Variants in EYS observed in about 807,000 individuals in gnomAD.
The protein encoded by EYS is EGF-like photoreceptor maintenance factor.
In EYS, 250 loss-of-function variants were observed where a neutral mutation model predicts 282.1. That is an observed-to-expected ratio of 0.89 (90% confidence interval 0.80 to 0.98). The LOEUF (loss-of-function observed/expected upper bound fraction) is 0.98. Among genes scored for constraint, EYS ranks in the 50% least tolerant of loss-of-function variants. The pLI, the probability that EYS is intolerant of heterozygous loss-of-function variation, is 0.00. For missense variants in EYS, 4,016 were observed against 3,709.0 expected (o/e 1.08, Z -2.15); for synonymous variants, 1,355 against 1,282.9 (o/e 1.06, Z -1.20).
chr6:63,996,534 T>TA (rs1363193180), intron 34 of EYS, among the ~76,000 whole-genome samples: 1 of 151,554 alleles, frequency 6.6e-6, no homozygotes, highest in Non-Finnish European at 1.5e-5. Context: ...GAACTTAAAG[T>TA]AAAAAAACAA....
Position 63,978,167 on chromosome 6 carries a change from G to A in EYS, c.7055+6216C>T, listed in dbSNP as rs186060619. ...AGACTGATTTTAGTGAATGAATTAT[G>A]TAGAAAATACCTTAAATACTCAATT... On this transcript the variant is annotated intron_variant, in intron 35 of 42. Coordinates refer to ENST00000503581, the MANE Select transcript of EYS (RefSeq NM_001142800.2). 2.9e-3 allele frequency among the ~76,000 whole-genome samples: 448 copies of A among 152,066 alleles called. 2 individuals are homozygous for A. Among genetic ancestry groups the A allele is most frequent in the African/African-American group, 0.01 (432 of 41,518 alleles).
intron 29 of EYS, among the ~76,000 whole-genome samples, chr6:64,353,308 T>C (rs915388301): frequency 2.0e-5 from 3 of 151,730 alleles, no homozygotes; most frequent in East Asian, 2.0e-4. Flanking sequence ...TTGAACATTA[T>C]ACCTCATTTG....
At chr6:64,816,899 A>C (rs933943557) in intron 21 of EYS, among the ~76,000 whole-genome samples, 3 of 151,754 alleles carry the variant, frequency 2.0e-5, no homozygotes, top group African/African-American at 7.3e-5. Context: ...AATTAAATAA[A>C]TATGGTGTTT....
In EYS at chr6:64,436,163, A is replaced by G; in HGVS notation, c.5927+11T>C. On this transcript the variant is annotated intron_variant, in intron 28 of 42. Transcript: ENST00000503581. ...TAATGAGATTAACTGGAAAAGAAAT[A>G]ATTATCTTACCTGATAAGCAGTGTA... 1 of 1,437,138 alleles carries G rather than the reference A, an allele frequency of 7.0e-7. No homozygotes were observed. 89.0% of individuals were successfully genotyped at this position (1,437,138 alleles called of 1,614,324 possible).
At chr6:63,862,812 A>G (rs933169706) in intron 36 of EYS, among the ~76,000 whole-genome samples, 1 of 144,020 alleles carries the variant, frequency 6.9e-6, no homozygotes. Flanking sequence ...TGACTTGGCT[A>G]ACTTCTTGTA....
intron 12 of EYS, among the ~76,000 whole-genome samples, chr6:65,141,651 C>CTGTCTGTCTATG (rs1196599284): frequency 0.066 from 235 of 3,554 alleles, no homozygotes; most frequent in African/African-American, 0.091. Flanking sequence ...GTCTGTCTGT[C>CTGTCTGTCTATG]TATCTATCTA....
chr6:64,247,472 C>T (rs976937593), intron 30 of EYS, among the ~76,000 whole-genome samples: 5 of 152,002 alleles, frequency 3.3e-5, no homozygotes, highest in Non-Finnish European at 5.9e-5. Context: ...ATAGACCAAA[C>T]GAAAAGCCAA....
At chr6:64,332,527 C>A (rs1770685356) in intron 29 of EYS, among the ~76,000 whole-genome samples, 1 of 152,120 alleles carries the variant, frequency 6.6e-6, no homozygotes, top group African/African-American at 2.4e-5. Context: ...GTTGAAGTTG[C>A]AGGTATCACA....
chr6:64,736,324 T>C (rs931582961), intron 22 of EYS, among the ~76,000 whole-genome samples: 1 of 152,120 alleles, frequency 6.6e-6, no homozygotes, highest in African/African-American at 2.4e-5. Context: ...TAAAATTCTA[T>C]TTTTGAGTAT....
At chr6:64,449,150 G>A (rs141555043) in intron 26 of EYS, among the ~76,000 whole-genome samples, 1 of 152,246 alleles carries the variant, frequency 6.6e-6, no homozygotes, top group South Asian at 2.1e-4. Flanking sequence ...CCAATGCAGA[G>A]AAGTCTTTAA....
intron 29 of EYS, among the ~76,000 whole-genome samples, chr6:64,379,935 G>C (rs1254034852): frequency 6.6e-6 from 1 of 152,042 alleles, no homozygotes; most frequent in Non-Finnish European, 1.5e-5. Flanking sequence ...TTCAAGTAAT[G>C]GTTAACAATG....
At chr6:64,617,304 T>C (rs1476167334) in intron 24 of EYS, 114 bp downstream of exon 24, 1 of 701,768 alleles carries the variant, frequency 1.4e-6, no homozygotes, top group Non-Finnish European at 2.5e-6. Context: ...GAAGGAGAGA[T>C]GCGCTGAAGA....
At chr6:65,323,780 C>T (rs1177437959) in intron 11 of EYS, among the ~76,000 whole-genome samples, 1 of 137,730 alleles carries the variant, frequency 7.3e-6, no homozygotes, top group Non-Finnish European at 1.6e-5. Context: ...TAACGGCTAC[C>T]TCTACCTTGG....
At chr6:63,798,953 A>G (rs1400744559) in intron 37 of EYS, among the ~76,000 whole-genome samples, 1 of 133,884 alleles carries the variant, frequency 7.5e-6, no homozygotes, top group African/African-American at 3.0e-5. Context: ...ATATATATAT[A>G]TGTATATGTG....
At chr6:65,181,806 C>T (rs1381685303) in intron 12 of EYS, among the ~76,000 whole-genome samples, 1 of 152,038 alleles carries the variant, frequency 6.6e-6, no homozygotes, top group Non-Finnish European at 1.5e-5. Context: ...TTGGAACCAA[C>T]CCAAATGTCC....
chr6:64,398,275 G>C (rs575438276), intron 28 of EYS, among the ~76,000 whole-genome samples: 44 of 151,942 alleles, frequency 2.9e-4, no homozygotes, highest in African/African-American at 1.0e-3. Flanking sequence ...GATTAAATAG[G>C]TCAATCCTGT....
At chr6:64,111,298 G>A (rs754413712) in intron 31 of EYS, among the ~76,000 whole-genome samples, 4 of 151,990 alleles carry the variant, frequency 2.6e-5, no homozygotes, top group Non-Finnish European at 5.9e-5. Flanking sequence ...AAATCTCATA[G>A]CAAGATATTT....
intron 31 of EYS, among the ~76,000 whole-genome samples, chr6:64,091,345 C>G (rs371143174): frequency 1.3e-5 from 2 of 152,108 alleles, no homozygotes; most frequent in African/African-American, 4.8e-5. Flanking sequence ...TATTTTATCT[C>G]TGTTGTTCTA....
chr6:64,388,764 C>T lies in EYS; in HGVS notation c.6004G>A (p.Val2002Ile), dbSNP rs1476439486. ...GATTTTGGCAGGGGTTTTCCGAGTA[C>T]ATGATTGATAGATTCGCATATTTGT... ...NTQICESINHVLGKPLPKSGS... is the reference protein window; with the variant it reads ...NTQICESINHILGKPLPKSGS... The change falls in exon 29 of 43, where the codon GTA (valine) becomes ATA (isoleucine). Residue 2002 changes from valine to isoleucine, a missense_variant. Coordinates refer to ENST00000503581, the MANE Select transcript of EYS (RefSeq NM_001142800.2). 3 of 1,545,190 alleles carry T rather than the reference C, an allele frequency of 1.9e-6. No individual in the cohort carries two copies. Among genetic ancestry groups the T allele is most frequent in the East Asian group, 2.5e-5 (1 of 40,442 alleles).
Sources: allele counts gnomAD v4.1 joint callset (sites outside exome capture counted in the v4.1 genomes callset), GRCh38; gene constraint gnomAD v4.1.1; transcripts MANE v1.5; gene names NCBI Gene and HGNC (gene_info 2026-07-23, HGNC 2026-07-21).